The following GPR143 variants were observed in gnomAD, a reference collection of about 807,000 sequenced individuals.
GPR143 encodes G-protein coupled receptor 143.
GPR143 carries 8 observed loss-of-function variants against 27.6 expected under a neutral mutation model. That is an observed-to-expected ratio of 0.29 (90% CI 0.17 to 0.52). The LOEUF is 0.52. Ranked by LOEUF, GPR143 falls within the 20% of genes least tolerant of loss-of-function variation. The pLI is 0.96. For missense variants in GPR143, 303 were observed against 343.1 expected, an observed-to-expected ratio of 0.88 and a Z score of 0.92; for synonymous variants, 156 against 153.2, an observed-to-expected ratio of 1.02 and a Z score of -0.13.
intron 1 of GPR143, among the ~76,000 whole-genome samples, chrX:9,774,804 CA>C (rs1424329480): frequency 6.2e-5 from 7 of 112,157 alleles, no homozygotes; most frequent in Non-Finnish European, 3.8e-5. Context: ...CTTCTCCTCC[CA>C]GGGGAATTTG....
At chrX:9,731,713 T>C (rs1159158038) in intron 8 of GPR143, among the ~76,000 whole-genome samples, 1 of 104,151 alleles carries the variant, frequency 9.6e-6, no homozygotes, top group Admixed American at 1.1e-4. Flanking sequence ...AATGGAATTG[T>C]AGGAGGGAAC....
At chrX:9,753,596 G>A (rs1374673010) in intron 3 of GPR143, among the ~76,000 whole-genome samples, 1 of 111,002 alleles carries the variant, frequency 9.0e-6, no homozygotes, top group Non-Finnish European at 1.9e-5. Flanking sequence ...AGGTGGATCT[G>A]CAGCAAACCT....
intron 4 of GPR143, chrX:9,747,772 A>T (rs1177581461): frequency 8.9e-6 from 1 of 112,263 alleles, no homozygotes; most frequent in Non-Finnish European, 1.9e-5. Context: ...CAACTACTCA[A>T]CTCTGATGTT....
At chrX:9,753,957 T>TC in intron 3 of GPR143, among the ~76,000 whole-genome samples, 1 of 111,295 alleles carries the variant, frequency 9.0e-6, no homozygotes, top group Non-Finnish European at 1.9e-5. Context: ...CCACCCCGTT[T>TC]CCCCCAGGAG....
chrX:9,776,640 T>C (rs1438489959), intron 1 of GPR143, among the ~76,000 whole-genome samples: 1 of 106,439 alleles, frequency 9.4e-6, no homozygotes, highest in Non-Finnish European at 1.9e-5. Context: ...CCTCCTGCCT[T>C]GGCCTACCAA....
chrX:9,751,797 TCA>T (rs968208902), intron 3 of GPR143, among the ~76,000 whole-genome samples: 4 of 112,934 alleles, frequency 3.5e-5, no homozygotes, highest in South Asian at 3.6e-4. Flanking sequence ...ACTAAAAGAA[TCA>T]CAGAGTTGTA....
At chrX:9,726,041 C>A (rs1299677044) in intron 8 of GPR143, 2 of 655,442 alleles carry the variant, frequency 3.1e-6, no homozygotes, top group Non-Finnish European at 3.6e-6. Context: ...AACTTTCCAT[C>A]TACATTTTAT....
upstream of GPR143, among the ~76,000 whole-genome samples, chrX:9,766,387 CCA>C (rs2083533496): frequency 1.8e-5 from 2 of 111,538 alleles, no homozygotes; most frequent in South Asian, 7.6e-4. Flanking sequence ...GGATATAATC[CCA>C]CAGAGGCAGG....
At chrX:9,772,813 C>T (rs1452879488) in intron 1 of GPR143, among the ~76,000 whole-genome samples, 1 of 49,815 alleles carries the variant, frequency 2.0e-5, no homozygotes, top group Admixed American at 2.6e-4. Context: ...GATCCTGTCT[C>T]AAAAAAAAAA....
intron 8 of GPR143, among the ~76,000 whole-genome samples, chrX:9,731,392 C>A (rs1046256241): frequency 9.2e-6 from 1 of 109,241 alleles, no homozygotes; most frequent in African/African-American, 3.3e-5. Context: ...GAAGGAGAAT[C>A]TTAGAAGAGA....
In GPR143 at chrX:9,739,692, G is replaced by T. The variant is rs774656143; in HGVS notation, c.913C>A (p.Leu305Ile). ...MGILNPAQGF[L>I]LSLAFYGWTG... ...CAGCCGTAGAAGGCCAAAGACAAGA[G>T]AAATCCCTGGGCTGGATTCAGGATT... The change falls in exon 8 of 9, where the codon CTC (leucine) becomes ATC (isoleucine). Residue 305 changes from leucine (L) to isoleucine (I), a missense_variant. Physicochemically the swap from Leu to Ile is conservative, Grantham distance 5. Transcript: ENST00000467482. The T allele has an allele frequency of 1.7e-6, 2 of 1,176,767 alleles. No individual in the cohort carries two copies. The highest frequency in any genetic ancestry group is 2.3e-6 in the Non-Finnish European group (2 of 874,108).
intron 8 of GPR143, among the ~76,000 whole-genome samples, chrX:9,730,794 C>G (rs1451838130): frequency 8.9e-6 from 1 of 111,812 alleles, no homozygotes. Context: ...CACTGAGTGC[C>G]CCAAAGGCTC....
intron 3 of GPR143, among the ~76,000 whole-genome samples, chrX:9,752,689 T>C (rs916985686): frequency 5.4e-5 from 6 of 110,985 alleles, no homozygotes; most frequent in Non-Finnish European, 1.1e-4. Context: ...AGTCAAAGAA[T>C]GTGAGCTGCA....
intron 7 of GPR143, among the ~76,000 whole-genome samples, chrX:9,740,156 C>T (rs1457491503): frequency 9.0e-6 from 1 of 111,475 alleles, no homozygotes; most frequent in Admixed American, 9.5e-5. Context: ...GCCTGGGGGC[C>T]TCTGTTCTCC....
At chrX:9,761,313 C>T (rs1052363349) in intron 1 of GPR143, among the ~76,000 whole-genome samples, 2 of 112,159 alleles carry the variant, frequency 1.8e-5, no homozygotes, top group Non-Finnish European at 3.8e-5. Flanking sequence ...AGGCTGGTCT[C>T]AAACTCCTGA....
chrX:9,765,799 C>G lies in GPR143; in HGVS notation c.19G>C (p.Gly7Arg). The G allele has an allele frequency of 1.8e-6, 2 of 1,119,884 alleles. No homozygotes were observed. The highest frequency in any genetic ancestry group is 2.3e-6 in the Non-Finnish European group (2 of 854,458). The allele number at this position is 1,119,884 out of a possible 1,213,427, so 92.3% of individuals were successfully genotyped here. A position where few individuals can be genotyped will look rare whatever the true frequency, so the allele number is the denominator to read the frequency against. Residue 7 changes from glycine (G) to arginine (R), a missense_variant, in exon 1 of 9, where the codon GGG (glycine) becomes CGG (arginine). By Grantham distance (125) the Gly-to-Arg change is moderately radical. Transcript: ENST00000467482. ...TCCCGCGTGGGGCAGCAGAAGGTCC[C>G]TAGGCGCGGGGAGGCCATGGGCTGT... MASPRL[G>R]TFCCPTRDAA...
chrX:9,753,373 T>TAAATAA (rs1191724088), intron 3 of GPR143, among the ~76,000 whole-genome samples: 1 of 27,576 alleles, frequency 3.6e-5, no homozygotes, highest in East Asian at 7.6e-4. Context: ...AATAAATAAA[T>TAAATAA]AAATAAAAAT....
intron 1 of GPR143, among the ~76,000 whole-genome samples, chrX:9,776,121 C>T: frequency 1.8e-5 from 2 of 112,295 alleles, no homozygotes; most frequent in South Asian, 7.4e-4. Context: ...TAAAGCTGAC[C>T]TGCAGGCAGA....
chrX:9,741,904 G>C (rs772567801), intron 6 of GPR143, among the ~76,000 whole-genome samples: 3 of 110,686 alleles, frequency 2.7e-5, no homozygotes, highest in Non-Finnish European at 3.8e-5. Context: ...GAAAGAAAAA[G>C]AAAAGAAATG....
Sources: allele counts gnomAD v4.1 joint callset (sites outside exome capture counted in the v4.1 genomes callset), GRCh38; gene constraint gnomAD v4.1.1; transcripts MANE v1.5; gene names NCBI Gene and HGNC (gene_info 2026-07-23, HGNC 2026-07-21).